ADAMTSL3: variants seen among roughly 807,000 people sequenced by gnomAD.
ADAMTSL3 encodes the protein ADAMTS-like protein 3.
A neutral mutation model predicts 201.7 loss-of-function variants in ADAMTSL3; 128 were observed. The ratio of observed to expected loss-of-function variants is 0.63; its 90% CI spans 0.55 to 0.73. The LOEUF (loss-of-function observed/expected upper bound fraction) is 0.73, where lower values mean the gene tolerates loss of function less well. Ranked by LOEUF, ADAMTSL3 falls within the 30% of genes least tolerant of loss-of-function variation. ADAMTSL3 has a pLI of 0.00. For synonymous variants in ADAMTSL3, 738 were observed against 748.4 expected (o/e 0.99, Z 0.23); for missense variants, 1,990 against 2,119.6 (o/e 0.94, Z 1.20).
chr15:83,692,685 C>CAAAAAAAAAAAAAAAAAAAAA (rs766382952), intron 2 of ADAMTSL3, among the ~76,000 whole-genome samples: 1 of 43,314 alleles, frequency 2.3e-5, no homozygotes, highest in Non-Finnish European at 4.6e-5. Flanking sequence ...GACTCCATCT[C>CAAAAAAAAAAAAAAAAAAAAA]AAAAAAAAAA....
intron 4 of ADAMTSL3, among the ~76,000 whole-genome samples, chr15:83,804,035 C>G (rs866705869): frequency 2.0e-5 from 3 of 152,094 alleles, no homozygotes; most frequent in Middle Eastern, 3.4e-3. Flanking sequence ...CCTAGCTACT[C>G]TGGAGGCTGA....
chr15:83,791,605 T>C (rs570655957), intron 4 of ADAMTSL3, among the ~76,000 whole-genome samples: 1 of 152,278 alleles, frequency 6.6e-6, no homozygotes, highest in East Asian at 1.9e-4. Flanking sequence ...ACGCCTGTAA[T>C]CCCAACACTT....
At chr15:84,005,292 A>G (rs1037383374) in intron 23 of ADAMTSL3, among the ~76,000 whole-genome samples, 2 of 152,212 alleles carry the variant, frequency 1.3e-5, no homozygotes. Context: ...CTATTTGTTC[A>G]TCTATATCCC....
intron 2 of ADAMTSL3, among the ~76,000 whole-genome samples, chr15:83,689,191 G>T (rs1020490077): frequency 1.3e-5 from 2 of 152,078 alleles, no homozygotes; most frequent in African/African-American, 4.8e-5. Flanking sequence ...AAGGAAGATG[G>T]CCATATAAAT....
At chr15:84,012,181 A>G (rs1315424678) in intron 23 of ADAMTSL3, among the ~76,000 whole-genome samples, 1 of 152,240 alleles carries the variant, frequency 6.6e-6, no homozygotes, top group East Asian at 1.9e-4. Flanking sequence ...AGCTTAAAAC[A>G]ATACCCATAT....
intron 6 of ADAMTSL3, among the ~76,000 whole-genome samples, chr15:83,834,428 C>G (rs1465816242): frequency 2.0e-5 from 3 of 152,116 alleles, no homozygotes; most frequent in Admixed American, 2.0e-4. Flanking sequence ...GCAGAAATGT[C>G]AGATTTTTCC....
chr15:83,738,838 T>C (rs1416352675), intron 3 of ADAMTSL3, among the ~76,000 whole-genome samples: 1 of 151,742 alleles, frequency 6.6e-6, no homozygotes, highest in Non-Finnish European at 1.5e-5. Flanking sequence ...GGAGGTTGCA[T>C]TGAGCCGAGA....
At chr15:83,801,990 A>G (rs2063532120) in intron 4 of ADAMTSL3, among the ~76,000 whole-genome samples, 1 of 152,064 alleles carries the variant, frequency 6.6e-6, no homozygotes, top group South Asian at 2.1e-4. Flanking sequence ...AGGAAGAAAC[A>G]TAAAACACAC....
intron 3 of ADAMTSL3, among the ~76,000 whole-genome samples, chr15:83,714,675 CCCTCCCTCCCTT>C (rs1359752444): frequency 6.8e-5 from 10 of 146,146 alleles, no homozygotes; most frequent in Admixed American, 1.4e-4. Context: ...CTCCCTCCCT[CCCTCCCTCCCTT>C]CCTCCCTTCC....
In ADAMTSL3 at chr15:83,842,109, C is replaced by T. The variant is rs182442641; in HGVS notation, c.727+3894C>T. Among the ~76,000 whole-genome samples the T allele has an allele frequency of 1.6e-3, 235 of 150,650 alleles. 2 individuals carry two copies. Among genetic ancestry groups the T allele is most frequent in the Admixed American group, 4.1e-3 (62 of 15,236 alleles). On this transcript the variant is annotated intron_variant, in intron 7 of 29. Transcript: ENST00000286744. ...GAGCTACCTCTACCATTCAATAAAACCTTGCACTCATTCTCCAAGCCCATG... is the reference window on the plus strand; with the variant it reads ...GAGCTACCTCTACCATTCAATAAAATCTTGCACTCATTCTCCAAGCCCATG...
chr15:83,697,250 C>G (rs1036377494), intron 2 of ADAMTSL3, among the ~76,000 whole-genome samples: 1 of 152,166 alleles, frequency 6.6e-6, no homozygotes, highest in Admixed American at 6.5e-5. Context: ...AAACAAAACA[C>G]TAAAGTGCTT....
intron 3 of ADAMTSL3, among the ~76,000 whole-genome samples, chr15:83,737,395 G>A (rs1400826567): frequency 1.3e-5 from 2 of 152,106 alleles, no homozygotes; most frequent in African/African-American, 2.4e-5. Context: ...TTGGATCGGG[G>A]GCAGTTTCCC....
intron 3 of ADAMTSL3, among the ~76,000 whole-genome samples, chr15:83,751,844 C>T (rs924469539): frequency 6.6e-6 from 1 of 152,118 alleles, no homozygotes; most frequent in African/African-American, 2.4e-5. Context: ...AAGTTTTCCA[C>T]CCAACGAGAA....
intron 6 of ADAMTSL3, among the ~76,000 whole-genome samples, chr15:83,823,960 TCTTCTTCTTCTTCTC>T (rs1345410501): frequency 0.023 from 1,469 of 64,314 alleles, 72 homozygotes; most frequent in Admixed American, 0.077. Flanking sequence ...TTCTTCTTCT[TCTTCTTCTTCTTCTC>T]CTCCTCCTCC....
At position 84,001,028 on chromosome 15, in the gene ADAMTSL3, G is replaced by A. The variant is rs1307690332; in HGVS notation, c.3973+9814G>A. Among the ~76,000 whole-genome samples the A allele has an allele frequency of 2.0e-5, 3 of 152,204 alleles. No individual in the cohort carries two copies. The South Asian group carries it at 6.2e-4, about 32-fold the overall frequency. ...TTTCAAAATGGATGAAAAATTAGAG[G>A]AGAAAGAAGCTGCAGAAAGCTGTAA... On this transcript the variant is annotated intron_variant, in intron 23 of 29. Transcript: ENST00000286744.
At position 84,014,577 on chromosome 15, in the gene ADAMTSL3, G is replaced by A. The variant is rs2068056705; in HGVS notation, c.4009G>A (p.Gly1337Arg). Reference protein sequence around the residue: ...PQPNITWLKRGGSLSGNVSLL... With the variant: ...PQPNITWLKRRGSLSGNVSLL... ...GCCTAATATAACTTGGTTGAAGAGA[G>A]GAGGATCTCTGAGTGGCAATGTTTC... Residue 1337 changes from glycine to arginine, a missense_variant, in exon 24 of 30, where the codon GGA (glycine) becomes AGA (arginine). Coordinates refer to ENST00000286744, the MANE Select transcript of ADAMTSL3 (RefSeq NM_207517.3). 2 of 1,614,028 alleles carry A rather than the reference G, an allele frequency of 1.2e-6. No homozygotes were observed. Among genetic ancestry groups the A allele is most frequent in the Non-Finnish European group, 1.7e-6 (2 of 1,180,016 alleles).
At chr15:83,800,273 T>C (rs896841711) in intron 4 of ADAMTSL3, among the ~76,000 whole-genome samples, 59 of 152,210 alleles carry the variant, frequency 3.9e-4, no homozygotes, top group African/African-American at 1.3e-3. Context: ...TGAAAATTCG[T>C]GACATAAAAT....
chr15:83,746,845 C>T (rs1214053608), intron 3 of ADAMTSL3, among the ~76,000 whole-genome samples: 1 of 151,990 alleles, frequency 6.6e-6, no homozygotes, highest in African/African-American at 2.4e-5. Flanking sequence ...GCCTGAGTGA[C>T]AAAGTGTGAC....
intron 20 of ADAMTSL3, among the ~76,000 whole-genome samples, chr15:83,980,128 G>A (rs1763620356): frequency 1.3e-5 from 2 of 152,058 alleles, no homozygotes; most frequent in African/African-American, 4.8e-5. Context: ...TATTGAACCT[G>A]CACATACCAG....
Sources: allele counts gnomAD v4.1 joint callset (sites outside exome capture counted in the v4.1 genomes callset), GRCh38; gene constraint gnomAD v4.1.1; transcripts MANE v1.5; gene names NCBI Gene and HGNC (gene_info 2026-07-23, HGNC 2026-07-21).